Variants in CACNG2 observed in about 807,000 individuals in gnomAD.
The protein encoded by CACNG2 is voltage-dependent calcium channel gamma-2 subunit.
Under a neutral mutation model 25.9 loss-of-function variants are expected in CACNG2, and 3 were observed. The ratio of observed to expected loss-of-function variants is 0.12; its 90% CI spans 0.05 to 0.30. CACNG2 has a LOEUF of 0.30. Among genes scored for constraint, CACNG2 ranks in the 10% least tolerant of loss-of-function variants. CACNG2 has a pLI of 1.00. For synonymous variants in CACNG2, 167 were observed against 173.3 expected, an observed-to-expected ratio of 0.96 and a Z score of 0.29; for missense variants, 341 against 432.5, an observed-to-expected ratio of 0.79 and a Z score of 1.88.
intron 2 of CACNG2, among the ~76,000 whole-genome samples, chr22:36,583,402 C>T (rs1257902274): frequency 1.3e-5 from 2 of 149,894 alleles, no homozygotes; most frequent in Admixed American, 6.6e-5. Context: ...CACTGCACTC[C>T]AGCCTGGGTG....
In CACNG2 at chr22:36,561,350, G is replaced by A. The variant is rs535761136; in HGVS notation, c.*3001C>T. ...TAGGTCTGGAATCTGGTGGGATGGC[G>A]GGCAAGATTGGGGTGGGAGAGGGGT... is the stretch of plus-strand genomic sequence containing the variant. On this transcript the variant is annotated 3_prime_UTR_variant, in exon 4 of 4. Coordinates refer to ENST00000300105, the MANE Select transcript of CACNG2 (RefSeq NM_006078.5). The A allele has an allele frequency of 1.4e-4, 22 of 152,364 alleles. No homozygotes were observed. The highest frequency in any genetic ancestry group is 2.9e-4 in the Non-Finnish European group (20 of 68,106). The allele number at this position is 152,364 out of a possible 1,614,324, so 9.4% of individuals were successfully genotyped here. A position where few individuals can be genotyped will look rare whatever the true frequency, so the allele number is the denominator to read the frequency against.
Position 36,566,423 on chromosome 22 carries a change from G to A in CACNG2, c.366C>T (p.Ile122=), listed in dbSNP as rs769085342. ...VILLFMGGLC[I]AASEFYKTRH... is the part of the protein sequence containing the mutation. Reference sequence around the variant, plus strand: ...GAGTTTTGTAGAACTCGCTGGCTGCGATGCAGAGGCCACCCATGAAAAGCA... The same window carrying A: ...GAGTTTTGTAGAACTCGCTGGCTGCAATGCAGAGGCCACCCATGAAAAGCA... Residue 122 remains isoleucine, a synonymous_variant, in exon 3 of 4, where the codon ATC becomes ATT. Coordinates refer to ENST00000300105, the MANE Select transcript of CACNG2 (RefSeq NM_006078.5). 7 of 1,613,926 alleles carry A rather than the reference G, an allele frequency of 4.3e-6. No homozygotes were observed. Among genetic ancestry groups the A allele is most frequent in the African/African-American group, 2.7e-5 (2 of 74,922 alleles).
intron 2 of CACNG2, chr22:36,584,385 C>G (rs1371775817): frequency 1.3e-5 from 2 of 152,284 alleles, no homozygotes; most frequent in Non-Finnish European, 2.9e-5. Flanking sequence ...ACCCGGGAAG[C>G]AGAGGTTTGG....
intron 1 of CACNG2, among the ~76,000 whole-genome samples, chr22:36,608,528 T>C: frequency 6.6e-6 from 1 of 152,230 alleles, no homozygotes; most frequent in African/African-American, 2.4e-5. Flanking sequence ...TATCATCTGA[T>C]GTACTCATCA....
rs1569013472 is a variant in CACNG2, at chr22:36,564,076, G to A, written c.*275C>T. The A allele has an allele frequency of 3.1e-6, 1 of 320,988 alleles. No homozygotes were observed. Among genetic ancestry groups the A allele is most frequent in the Non-Finnish European group, 5.6e-6 (1 of 178,504 alleles). The allele number at this position is 320,988 out of a possible 1,614,324, so 19.9% of individuals were successfully genotyped here. A position where few individuals can be genotyped will look rare whatever the true frequency, so the allele number is the denominator to read the frequency against. On this transcript the variant is annotated 3_prime_UTR_variant, in exon 4 of 4. Coordinates refer to ENST00000300105, the MANE Select transcript of CACNG2 (RefSeq NM_006078.5). The surrounding 1 kb of genome is among the most constrained non-coding windows in gnomAD (Gnocchi z 6.7). Reference sequence around the variant, plus strand: ...TTTATCCCTCTCGCTTTTTTTTAAAGTTTGTTTTCTTCCCTCGTTTATATT... The same window carrying A: ...TTTATCCCTCTCGCTTTTTTTTAAAATTTGTTTTCTTCCCTCGTTTATATT...
chr22:36,629,041 G>A (rs1936228268), intron 1 of CACNG2, among the ~76,000 whole-genome samples: 1 of 152,142 alleles, frequency 6.6e-6, no homozygotes, highest in Non-Finnish European at 1.5e-5. Flanking sequence ...GAAATACAAT[G>A]TTGAGGGAGG....
intron 2 of CACNG2, among the ~76,000 whole-genome samples, chr22:36,586,326 GC>G (rs1374247103): frequency 3.3e-5 from 5 of 152,210 alleles, no homozygotes; most frequent in African/African-American, 1.2e-4. Context: ...CAACCAAATG[GC>G]CTTTTAGGAA....
chr22:36,564,381 G>A lies in CACNG2; in HGVS notation c.942C>T (p.Asn314=), dbSNP rs766305433. The part of the protein sequence containing the change: ...QKENKDSLHS[N]TANRRTTPV The stretch of plus-strand genomic sequence containing the variant: ...CGGGGGTGGTCCGGCGGTTGGCTGT[G>A]TTGGAGTGGAGAGAGTCCTTGTTCT... Residue 314 remains asparagine (N), a synonymous_variant, in exon 4 of 4, where the codon AAC becomes AAT. Transcript: ENST00000300105. The surrounding 1 kb of genome is among the most constrained non-coding windows in gnomAD (Gnocchi z 6.7). The A allele has an allele frequency of 1.9e-5, 30 of 1,613,926 alleles. No individual in the cohort carries two copies. The highest frequency in any genetic ancestry group is 2.5e-5 in the Non-Finnish European group (29 of 1,179,940).
chr22:36,700,339 G>A (rs1433870426), intron 1 of CACNG2, among the ~76,000 whole-genome samples: 1 of 152,196 alleles, frequency 6.6e-6, no homozygotes, highest in East Asian at 1.9e-4. Flanking sequence ...CCTCTAGTCT[G>A]TTTGCCTTCT....
chr22:36,611,979 T>C (rs763797259), intron 1 of CACNG2, among the ~76,000 whole-genome samples: 4 of 152,206 alleles, frequency 2.6e-5, no homozygotes, highest in African/African-American at 4.8e-5. Flanking sequence ...ATAACACCAA[T>C]GTCAAAACAT....
rs1336922181 is a variant in CACNG2, at chr22:36,587,602, T to G, written c.212-54A>C. ...GAAACATCATAGTTTTGGGGGCGCTTAGGGCCCACCTGCCTCTTCCCAACT... is the reference window on the plus strand; with the variant it reads ...GAAACATCATAGTTTTGGGGGCGCTGAGGGCCCACCTGCCTCTTCCCAACT... On this transcript the variant is annotated intron_variant, in intron 1 of 3. Coordinates refer to ENST00000300105, the MANE Select transcript of CACNG2 (RefSeq NM_006078.5). The G allele has an allele frequency of 3.9e-6, 5 of 1,266,262 alleles. No homozygotes were observed. The African/African-American group carries it at 7.3e-5, about 19-fold the overall frequency. 78.4% of individuals were successfully genotyped at this position (1,266,262 alleles called of 1,614,324 possible). A position where few individuals can be genotyped will look rare whatever the true frequency, so the allele number is the denominator to read the frequency against.
chr22:36,691,713 G>T (rs1332615115), intron 1 of CACNG2, among the ~76,000 whole-genome samples: 1 of 152,120 alleles, frequency 6.6e-6, no homozygotes, highest in East Asian at 1.9e-4. Context: ...GGAGTTAATG[G>T]GTATCACAGC....
At chr22:36,699,817 C>T (rs1937388370) in intron 1 of CACNG2, among the ~76,000 whole-genome samples, 1 of 152,212 alleles carries the variant, frequency 6.6e-6, no homozygotes, top group African/African-American at 2.4e-5. Flanking sequence ...ACGCCAACTT[C>T]CAGAAACAAC....
At chr22:36,614,600 C>T (rs1011648974) in intron 1 of CACNG2, among the ~76,000 whole-genome samples, 1 of 152,200 alleles carries the variant, frequency 6.6e-6, no homozygotes, top group South Asian at 2.1e-4. Flanking sequence ...TCCACCCTCT[C>T]ATGTTTCCGA....
intron 1 of CACNG2, among the ~76,000 whole-genome samples, chr22:36,675,384 A>AAT (rs1937007304): frequency 6.6e-6 from 1 of 152,142 alleles, no homozygotes; most frequent in African/African-American, 2.4e-5. Context: ...AATTAAAAAA[A>AAT]ATATGAGTGC....
At chr22:36,702,146 G>A (rs1937417771) in intron 1 of CACNG2, among the ~76,000 whole-genome samples, 1 of 152,092 alleles carries the variant, frequency 6.6e-6, no homozygotes. Context: ...GGATGTTTGA[G>A]GGGATGAGGG....
chr22:36,594,683 G>A (rs1407445712), intron 1 of CACNG2, among the ~76,000 whole-genome samples: 1 of 151,640 alleles, frequency 6.6e-6, no homozygotes, highest in Non-Finnish European at 1.5e-5. Context: ...GTATGCCCGC[G>A]TGTGTGTCTG....
At chr22:36,632,667 C>T (rs1201867670) in intron 1 of CACNG2, among the ~76,000 whole-genome samples, 1 of 152,006 alleles carries the variant, frequency 6.6e-6, no homozygotes, top group Admixed American at 6.6e-5. Flanking sequence ...GTTGCTCACT[C>T]CCTCCTTGAA....
chr22:36,680,670 T>TACCACCAC (rs1601453229), intron 1 of CACNG2, among the ~76,000 whole-genome samples: 2 of 1,084 alleles, frequency 1.8e-3, no homozygotes, highest in Non-Finnish European at 4.0e-3. Flanking sequence ...ACCACCATCT[T>TACCACCAC]CATGATCACT....
Sources: gnomAD v4.1 joint callset for allele counts (sites outside exome capture counted in the v4.1 genomes callset) on GRCh38, gnomAD v4.1.1 for gene constraint, Gnocchi (gnomAD v3.1) non-coding constraint, MANE v1.5 for transcripts, NCBI Gene and HGNC (gene_info 2026-07-23, HGNC 2026-07-21) for gene names.